Variants in SLC9A9 observed in about 807,000 individuals in gnomAD.
SLC9A9 encodes the protein solute carrier family 9 member A9.
A neutral mutation model predicts 77.8 loss-of-function variants in SLC9A9; 62 were observed. The observed-to-expected ratio is 0.80, with a 90% CI of 0.65 to 0.98. The LOEUF is 0.98. Ranked by LOEUF, SLC9A9 falls within the 50% of genes least tolerant of loss-of-function variation. The pLI, the probability that SLC9A9 is intolerant of heterozygous loss-of-function variation, is 0.00. For synonymous variants in SLC9A9, 320 were observed against 283.5 expected, an observed-to-expected ratio of 1.13 and a Z score of -1.29; for missense variants, 775 against 774.9, an observed-to-expected ratio of 1.00 and a Z score of 0.00.
intron 4 of SLC9A9, among the ~76,000 whole-genome samples, chr3:143,706,751 T>G (rs1265774446): frequency 6.6e-6 from 1 of 152,238 alleles, no homozygotes; most frequent in Non-Finnish European, 1.5e-5. Context: ...CAGCCCAGGA[T>G]AGCTTTGAAT....
At chr3:143,773,690 G>A (rs1181770577) in intron 4 of SLC9A9, among the ~76,000 whole-genome samples, 1 of 152,042 alleles carries the variant, frequency 6.6e-6, no homozygotes, top group Non-Finnish European at 1.5e-5. Flanking sequence ...CACCATGCTG[G>A]TCAGGCTGGT....
At chr3:143,388,739 A>G (rs887111062) in intron 12 of SLC9A9, among the ~76,000 whole-genome samples, 6 of 152,246 alleles carry the variant, frequency 3.9e-5, no homozygotes, top group African/African-American at 1.2e-4. Context: ...ATAAAGGTCA[A>G]TGATAGGATT....
intron 4 of SLC9A9, among the ~76,000 whole-genome samples, chr3:143,762,783 T>G (rs1007620750): frequency 6.6e-6 from 1 of 152,168 alleles, no homozygotes; most frequent in African/African-American, 2.4e-5. Flanking sequence ...AGTGTGGCAC[T>G]GTCCTCTGAT....
At chr3:143,815,548 A>ATTTT (rs1559811099) in intron 2 of SLC9A9, among the ~76,000 whole-genome samples, 2,620 of 31,488 alleles carry the variant, frequency 0.083, 68 homozygotes, top group East Asian at 0.24. Context: ...TGCTATTTTA[A>ATTTT]AAAAAAAAAA....
At chr3:143,702,684 A>G (rs558284107) in intron 4 of SLC9A9, among the ~76,000 whole-genome samples, 4 of 152,226 alleles carry the variant, frequency 2.6e-5, no homozygotes, top group African/African-American at 9.6e-5. Flanking sequence ...CAGGACAACA[A>G]ATAACAAAAT....
At chr3:143,485,493 G>A (rs1270714276) in intron 11 of SLC9A9, among the ~76,000 whole-genome samples, 2 of 152,104 alleles carry the variant, frequency 1.3e-5, no homozygotes, top group Admixed American at 1.3e-4. Context: ...CCAAGGAAAG[G>A]CATGGACTTA....
At chr3:143,541,509 A>G (rs2036689255) in intron 9 of SLC9A9, among the ~76,000 whole-genome samples, 1 of 152,196 alleles carries the variant, frequency 6.6e-6, no homozygotes, top group South Asian at 2.1e-4. Context: ...TAATAATACA[A>G]GTTTGTTGTT....
At chr3:143,522,679 C>G (rs2036321349) in intron 9 of SLC9A9, among the ~76,000 whole-genome samples, 1 of 152,104 alleles carries the variant, frequency 6.6e-6, no homozygotes, top group South Asian at 2.1e-4. Context: ...TGGGCATTTT[C>G]AAGGTGTCAG....
At chr3:143,810,542 C>A (rs16854360) in intron 2 of SLC9A9, among the ~76,000 whole-genome samples, 1 of 152,154 alleles carries the variant, frequency 6.6e-6, no homozygotes, top group Admixed American at 6.5e-5. Context: ...TAATGGCTTA[C>A]CCAGGGTCAA....
chr3:143,655,407 G>T, intron 5 of SLC9A9: 1 of 910,154 alleles, frequency 1.1e-6, no homozygotes, highest in Non-Finnish European at 1.3e-6. Context: ...TCTGGACATC[G>T]TGTGGATAGG....
At chr3:143,343,464 A>G (rs1378664611) in intron 14 of SLC9A9, 1 of 152,190 alleles carries the variant, frequency 6.6e-6, no homozygotes, top group Non-Finnish European at 1.5e-5. Context: ...AACTGCCACA[A>G]GCAGTAGTCG....
chr3:143,718,646 C>T (rs1473050253), intron 4 of SLC9A9, among the ~76,000 whole-genome samples: 1 of 152,156 alleles, frequency 6.6e-6, no homozygotes, highest in Non-Finnish European at 1.5e-5. Context: ...CTGCTATTGC[C>T]CTTTAAGCCC....
At chr3:143,297,188 TTG>T (rs1420596580) in intron 14 of SLC9A9, among the ~76,000 whole-genome samples, 3 of 152,100 alleles carry the variant, frequency 2.0e-5, no homozygotes, top group African/African-American at 7.2e-5. Context: ...GAGTTGATTT[TTG>T]TGTGTGTGTG....
intron 6 of SLC9A9, among the ~76,000 whole-genome samples, chr3:143,595,941 T>A (rs998209): frequency 0.24 from 36,044 of 151,958 alleles, 5,197 homozygotes; most frequent in African/African-American, 0.41. Flanking sequence ...GTAAAAAAAA[T>A]TAAAATAATC....
chr3:143,811,826 C>A, intron 2 of SLC9A9: 1 of 409,352 alleles, frequency 2.4e-6, no homozygotes, highest in Non-Finnish European at 4.8e-6. Context: ...TGCATCACCA[C>A]ACTCCAGGCT....
chr3:143,518,259 G>T lies in SLC9A9; in HGVS notation c.1090-22811C>A, dbSNP rs1021246869. The stretch of plus-strand genomic sequence containing the variant: ...GGGAGGTGGTGGGCGAAGCTCAGGG[G>T]CTGCAGCCCGGTTCCAGGCCCAGGC... On this transcript the variant is annotated intron_variant, in intron 9 of 15. Transcript: ENST00000316549. 186 of 1,533,762 alleles carry T rather than the reference G, an allele frequency of 1.2e-4. No homozygotes were observed. In the Middle Eastern group the frequency reaches 1.3e-3, roughly 11 times the overall value.
intron 14 of SLC9A9, among the ~76,000 whole-genome samples, chr3:143,329,851 C>T (rs1486249078): frequency 6.6e-6 from 1 of 152,174 alleles, no homozygotes; most frequent in African/African-American, 2.4e-5. Flanking sequence ...CAGCCGTCAG[C>T]GCTCACTTTC....
intron 11 of SLC9A9, among the ~76,000 whole-genome samples, chr3:143,467,592 T>A (rs1408605098): frequency 1.3e-5 from 2 of 151,816 alleles, no homozygotes; most frequent in Admixed American, 6.6e-5. Flanking sequence ...GATTTTTTTT[T>A]AAATTAGCCA....
chr3:143,539,876 A>AAGAGAG (rs67678469), intron 9 of SLC9A9, among the ~76,000 whole-genome samples: 44 of 150,538 alleles, frequency 2.9e-4, no homozygotes, highest in African/African-American at 3.9e-4. Context: ...GTGAAAAATT[A>AAGAGAG]AGAGAGAGAG....
Sources: allele counts gnomAD v4.1 joint callset (sites outside exome capture counted in the v4.1 genomes callset), GRCh38; gene constraint gnomAD v4.1.1; transcripts MANE v1.5; gene names NCBI Gene and HGNC (gene_info 2026-07-23, HGNC 2026-07-21).